The following KDM4A variants were observed in gnomAD, a reference collection of about 807,000 sequenced individuals.
KDM4A encodes the protein lysine-specific demethylase 4A.
In KDM4A, 23 loss-of-function variants were observed where a neutral mutation model predicts 127.1. That is an observed-to-expected ratio of 0.18 (90% CI 0.13 to 0.26). The LOEUF (loss-of-function observed/expected upper bound fraction) is 0.26, where lower values mean the gene tolerates loss of function less well. Ranked by LOEUF, KDM4A falls within the 10% of genes least tolerant of loss-of-function variation. KDM4A has a pLI of 1.00. For synonymous variants in KDM4A, 443 were observed against 466.5 expected, an observed-to-expected ratio of 0.95 and a Z score of 0.65; for missense variants, 890 against 1,329.1, an observed-to-expected ratio of 0.67 and a Z score of 5.14.
rs1570844755 is a variant in KDM4A at position 43,677,001 on chromosome 1, C to A, written c.1734+5126C>A. Reference sequence around the variant, plus strand: ...TCTGCTGAAGTATTTGAAAGCACATCCCAGATACCTTGTCATTTCTTCCCT... The same window carrying A: ...TCTGCTGAAGTATTTGAAAGCACATACCAGATACCTTGTCATTTCTTCCCT... On this transcript the variant is annotated intron_variant, in intron 11 of 21. Coordinates refer to ENST00000372396, the MANE Select transcript of KDM4A (RefSeq NM_014663.3). Among the ~76,000 whole-genome samples the A allele has an allele frequency of 2.6e-5, 4 of 152,234 alleles. No individual in the cohort carries two copies. In the South Asian group the frequency reaches 6.2e-4, roughly 24 times the overall value.
chr1:43,667,542 T>C (rs1389398107), intron 8 of KDM4A, among the ~76,000 whole-genome samples: 1 of 152,188 alleles, frequency 6.6e-6, no homozygotes, highest in African/African-American at 2.4e-5. Flanking sequence ...CCCGAGTTAG[T>C]GCCCAGGTAG....
At chr1:43,700,822 AC>A (rs377186351) in intron 19 of KDM4A, among the ~76,000 whole-genome samples, 2 of 150,742 alleles carry the variant, frequency 1.3e-5, no homozygotes, top group African/African-American at 5.0e-5. Context: ...TGGATCTTTC[AC>A]CCATGCATCC....
intron 4 of KDM4A, 131 bp from the exon 5 acceptor site, chr1:43,662,763 A>G (rs1247175194): frequency 2.7e-6 from 2 of 732,290 alleles, no homozygotes; most frequent in East Asian, 5.3e-5. Flanking sequence ...CTTCACGTCC[A>G]TAGTGTTTTG....
In KDM4A at chr1:43,690,326, A is replaced by AT. The variant is rs774067063; in HGVS notation, c.2038-505dup. Among the ~76,000 whole-genome samples the AT allele has an allele frequency of 5.4e-3, 774 of 144,372 alleles. 8 individuals carry two copies. The highest frequency in any genetic ancestry group is 0.012 in the African/African-American group (469 of 39,582). 94.7% of individuals were successfully genotyped at this position (144,372 alleles called of 152,430 possible). The stretch of plus-strand genomic sequence containing the variant: ...AGCCTAGCTGCTAACATCTCCGTGC[A>AT]TTTTTTTTTTTTTTAGACGGAGTCT... On this transcript the variant is annotated intron_variant, in intron 13 of 21. Transcript: ENST00000372396.
intron 11 of KDM4A, among the ~76,000 whole-genome samples, chr1:43,677,898 A>G (rs1421474144): frequency 1.3e-5 from 2 of 152,232 alleles, no homozygotes; most frequent in Admixed American, 6.5e-5. Context: ...GAAACCAATT[A>G]GGAACCTGTT....
At position 43,667,991 on chromosome 1, in the gene KDM4A, G is replaced by A. The variant is rs1180220977; in HGVS notation, c.1135G>A (p.Asp379Asn). The change falls in exon 9 of 22, where the codon GAT becomes AAT. Residue 379 changes from aspartate (D) to asparagine (N), a missense_variant. Physicochemically the swap from Asp to Asn is conservative, Grantham distance 23. Coordinates refer to ENST00000372396, the MANE Select transcript of KDM4A (RefSeq NM_014663.3). ...AGAGGAGGACATGGAAGGGGTGGAG[G>A]ATGGAGAGGAAGGAGACCTGAAGAC... ...CPEEDMEGVE[D>N]GEEGDLKTSL... 1.2e-6 allele frequency: 2 copies of A among 1,614,126 alleles called. No individual in the cohort carries two copies. The highest frequency in any genetic ancestry group is 1.7e-6 in the Non-Finnish European group (2 of 1,180,008).
Position 43,694,816 on chromosome 1 carries a change from C to T in KDM4A, c.2592C>T (p.Ala864=), listed in dbSNP as rs777843350. The T allele has an allele frequency of 3.2e-5, 51 of 1,613,884 alleles. No homozygotes were observed. In the Admixed American group the frequency reaches 4.8e-4, roughly 15 times the overall value. The change falls in exon 18 of 22, where the codon GCC becomes GCT. Residue 864 remains alanine, a synonymous_variant. Transcript: ENST00000372396. This position sits in a 1 kb window ranked among gnomAD's most constrained non-coding sequence, Gnocchi z 5.2. ...TCCATGTGAGCTGCGCCCAGGCTGC[C>T]GGTGTGATGATGCAGCCTGACGACT... The part of the protein sequence containing the change: ...TAFHVSCAQA[A]GVMMQPDDWP...
intron 3 of KDM4A, among the ~76,000 whole-genome samples, chr1:43,656,876 C>T (rs553156339): frequency 1.3e-5 from 2 of 151,898 alleles, no homozygotes; most frequent in East Asian, 1.9e-4. Context: ...CATACAGGCG[C>T]CTGCCACCAC....
At chr1:43,696,132 A>G (rs1236809630) in intron 18 of KDM4A, among the ~76,000 whole-genome samples, 2 of 152,204 alleles carry the variant, frequency 1.3e-5, no homozygotes, top group African/African-American at 2.4e-5. Context: ...CAGTGGGAGA[A>G]GCAGGTAGCA....
intron 18 of KDM4A, among the ~76,000 whole-genome samples, chr1:43,695,604 G>A (rs114361356): frequency 0.019 from 2,882 of 152,314 alleles, 51 homozygotes; most frequent in Non-Finnish European, 0.023. Context: ...GTCTTCACTG[G>A]ATGAGAACTT....
In KDM4A at chr1:43,660,290, TC is replaced by T. The variant is rs765365822; in HGVS notation, c.315-7del. On this transcript the variant is annotated splice_region_variant and splice_polypyrimidine_tract_variant and intron_variant, in intron 3 of 21. Transcript: ENST00000372396. ...GTGGTTTACATGTTTCTTTTTACTTTCAAAAAGGTACTGTACCCCACGCTAT... is the reference window on the plus strand; with the variant it reads ...GTGGTTTACATGTTTCTTTTTACTTTAAAAAGGTACTGTACCCCACGCTAT... The T allele has an allele frequency of 3.6e-5, 56 of 1,567,288 alleles. No individual in the cohort carries two copies. The highest frequency in any genetic ancestry group is 1.3e-4 in the African/African-American group (6 of 47,938).
At chr1:43,703,488 A>G (rs1661460825) in intron 19 of KDM4A, 129 bp from the exon 20 acceptor site, 4 of 1,156,246 alleles carry the variant, frequency 3.5e-6, no homozygotes, top group Admixed American at 4.5e-5. Flanking sequence ...AACATTTTTC[A>G]GCCCAGAGAG....
At chr1:43,670,794 A>G (rs1480232556) in intron 10 of KDM4A, among the ~76,000 whole-genome samples, 2 of 151,860 alleles carry the variant, frequency 1.3e-5, no homozygotes, top group African/African-American at 2.4e-5. Context: ...ATCTCCTGAC[A>G]TCGTGATCCG....
intron 10 of KDM4A, among the ~76,000 whole-genome samples, chr1:43,670,486 G>T (rs549223284): frequency 6.6e-6 from 1 of 151,908 alleles, no homozygotes; most frequent in South Asian, 2.1e-4. Context: ...TCAACTTTCT[G>T]GGCTCAAGCA....
intron 14 of KDM4A, 77 bp downstream of exon 14, chr1:43,691,126 G>A (rs899875582): frequency 4.6e-5 from 66 of 1,430,738 alleles, no homozygotes; most frequent in Non-Finnish European, 6.1e-5. Flanking sequence ...GCCACCTCCT[G>A]GCCTCCCAGC....
chr1:43,669,070 C>T, intron 9 of KDM4A, 30 bp from the exon 10 acceptor site: 1 of 1,610,614 alleles, frequency 6.2e-7, no homozygotes, highest in Non-Finnish European at 8.5e-7. Context: ...TATATGTGGG[C>T]TCTTAAAAGA....
intron 10 of KDM4A, among the ~76,000 whole-genome samples, chr1:43,671,261 C>T (rs1408602941): frequency 6.6e-6 from 1 of 152,134 alleles, no homozygotes; most frequent in Admixed American, 6.5e-5. Flanking sequence ...CCAGGCGGTG[C>T]TCAGGAGTCT....
intron 6 of KDM4A, among the ~76,000 whole-genome samples, chr1:43,666,009 T>G (rs1157855629): frequency 6.6e-6 from 1 of 152,220 alleles, no homozygotes; most frequent in Non-Finnish European, 1.5e-5. Flanking sequence ...GACTGGTGTT[T>G]CCACTAAAGA....
At chr1:43,698,787 T>C (rs1250486870) in intron 19 of KDM4A, among the ~76,000 whole-genome samples, 2 of 152,054 alleles carry the variant, frequency 1.3e-5, no homozygotes, top group African/African-American at 4.8e-5. Context: ...ATAGCTATCA[T>C]TTATTTATAT....
Sources: gnomAD v4.1 joint callset for allele counts (sites outside exome capture counted in the v4.1 genomes callset) on GRCh38, gnomAD v4.1.1 for gene constraint, Gnocchi (gnomAD v3.1) non-coding constraint, MANE v1.5 for transcripts, NCBI Gene and HGNC (gene_info 2026-07-23, HGNC 2026-07-21) for gene names.